The following TRAPPC2L variants were observed in gnomAD, a reference collection of about 807,000 sequenced individuals.
The protein encoded by TRAPPC2L is trafficking protein particle complex subunit 2-like protein.
TRAPPC2L carries 17 observed loss-of-function variants against 13.2 expected under a neutral mutation model. The ratio of observed to expected loss-of-function variants is 1.29; its 90% CI spans 0.88 to 1.93. The LOEUF (loss-of-function observed/expected upper bound fraction) is 1.93. TRAPPC2L is among the 30% of genes most tolerant of loss of function. The pLI, the probability that TRAPPC2L is intolerant of heterozygous loss-of-function variation, is 0.00. For missense variants in TRAPPC2L, 359 were observed against 252.1 expected, an observed-to-expected ratio of 1.42 and a Z score of -2.87; for synonymous variants, 150 against 98.1, an observed-to-expected ratio of 1.53 and a Z score of -3.12.
chr16:88,857,163 A>T, exon 1 of TRAPPC2L: 1 of 1,582,752 alleles, frequency 6.3e-7, no homozygotes, highest in South Asian at 1.1e-5. Flanking sequence ...GGCGGTGTGC[A>T]TCGCGGTGAT....
upstream of TRAPPC2L, chr16:88,856,963 G>C (rs987323491): frequency 2.1e-6 from 3 of 1,411,276 alleles, no homozygotes; most frequent in South Asian, 3.0e-5. Context: ...GCGGGGCGGG[G>C]CCTGGACGGC....
At chr16:88,861,325 G>C in exon 4 of TRAPPC2L, 1 of 371,004 alleles carries the variant, frequency 2.7e-6, no homozygotes, top group Non-Finnish European at 5.2e-6. Flanking sequence ...GGCTGAACAG[G>C]TGGGCTGGTC....
At chr16:88,860,215 A>G in exon 4 of TRAPPC2L, 3 of 705,208 alleles carry the variant, frequency 4.3e-6, no homozygotes, top group Non-Finnish European at 5.2e-6. Flanking sequence ...GAGCTTGCCC[A>G]TTTGGCTTCC....
chr16:88,856,898 AG>A, upstream of TRAPPC2L: 1 of 1,499,364 alleles, frequency 6.7e-7, no homozygotes, highest in Non-Finnish European at 8.8e-7. Context: ...GGAGCCGCGG[AG>A]CCCCGGCCAG....
chr16:88,858,672 C>T (rs1480824194), exon 2 of TRAPPC2L: 1 of 1,613,570 alleles, frequency 6.2e-7, no homozygotes, highest in South Asian at 1.1e-5. Context: ...TGAAGTTCCA[C>T]TACATGGTGC....
At chr16:88,859,839 C>G (rs574984533) in intron 3 of TRAPPC2L, 54 bp from the exon 4 acceptor site, 61 of 1,580,702 alleles carry the variant, frequency 3.9e-5, no homozygotes, top group Non-Finnish European at 4.5e-5. Context: ...AACTAAAAAT[C>G]TGGCAGTGGC....
At chr16:88,856,725 C>T (rs907629216), upstream of TRAPPC2L, 6 of 1,224,256 alleles carry the variant, frequency 4.9e-6, no homozygotes, top group Non-Finnish European at 6.7e-6. Flanking sequence ...CCGCCCCACC[C>T]CGGCCCTGCC....
chr16:88,861,000 G>A (rs182443459), exon 4 of TRAPPC2L: 4 of 1,555,014 alleles, frequency 2.6e-6, no homozygotes, highest in Admixed American at 1.9e-5. Context: ...GCCCGCGCAC[G>A]ACTGTGGTGG....
intron 1 of TRAPPC2L, 53 bp from the exon 2 acceptor site, chr16:88,858,566 G>T: frequency 6.3e-7 from 1 of 1,586,216 alleles, no homozygotes. Context: ...TTCAGAGCTG[G>T]TGTGCGCTGG....
At chr16:88,861,098 G>C (rs971696049) in exon 4 of TRAPPC2L, 1 of 782,370 alleles carries the variant, frequency 1.3e-6, no homozygotes, top group Admixed American at 2.3e-5. Context: ...CTCAACTAAA[G>C]GTCTTGTGAG....
chr16:88,856,543 C>T, upstream of TRAPPC2L: 1 of 696,872 alleles, frequency 1.4e-6, no homozygotes, highest in Admixed American at 2.0e-5. Flanking sequence ...GACCCCGCGG[C>T]CACTCCCCGA....
upstream of TRAPPC2L, chr16:88,856,570 C>CCCCCCGGGGG (rs2143013186): frequency 1.6e-6 from 1 of 610,102 alleles, no homozygotes; most frequent in Non-Finnish European, 3.0e-6. Flanking sequence ...TCCCCCTCCC[C>CCCCCCGGGGG]GCACGGGGAT....
At chr16:88,857,696 C>T (rs1354766205) in intron 1 of TRAPPC2L, among the ~76,000 whole-genome samples, 1 of 152,224 alleles carries the variant, frequency 6.6e-6, no homozygotes, top group Non-Finnish European at 1.5e-5. Context: ...TGGCACTCTC[C>T]GCTCCAACCA....
chr16:88,857,700 C>T (rs1291507876), intron 1 of TRAPPC2L, among the ~76,000 whole-genome samples: 1 of 152,246 alleles, frequency 6.6e-6, no homozygotes, highest in South Asian at 2.1e-4. Context: ...ACTCTCCGCT[C>T]CAACCAAACA....
chr16:88,856,639 G>T, upstream of TRAPPC2L: 1 of 370,244 alleles, frequency 2.7e-6, no homozygotes, highest in Non-Finnish European at 5.2e-6. Flanking sequence ...TCCCCAAGGG[G>T]CCTCCCCTCA....
chr16:88,861,834 G>T (rs955968499), exon 4 of TRAPPC2L: 15 of 356,542 alleles, frequency 4.2e-5, no homozygotes, highest in Admixed American at 2.4e-4. Context: ...AGGCTGTAAG[G>T]GGGGGTCAGC....
exon 4 of TRAPPC2L, chr16:88,860,666 A>T: frequency 1.7e-6 from 1 of 600,954 alleles, no homozygotes; most frequent in Non-Finnish European, 3.0e-6. Context: ...CTGCCTGCCC[A>T]TGCTGCTCCC....
chr16:88,856,869 C>T (rs1055971461), upstream of TRAPPC2L: 3 of 1,509,340 alleles, frequency 2.0e-6, no homozygotes, highest in African/African-American at 1.4e-5. Flanking sequence ...CCGCGACAAC[C>T]GCCGCCATGG....
chr16:88,860,841 C>G lies in TRAPPC2L; in HGVS notation c.*517C>G, dbSNP rs149363563. On this transcript the variant is annotated 3_prime_UTR_variant, in exon 4 of 4. Coordinates refer to ENST00000565504, the Ensembl canonical transcript of TRAPPC2L. ...CGAGCATCCTGTGGATGGAGCCATG[C>G]TGCCCGGCCCGTCTCTGAGCAGAGG... The G allele has an allele frequency of 2.6e-3, 3,951 of 1,503,716 alleles. 17 individuals carry two copies. Among genetic ancestry groups the G allele is most frequent in the Admixed American group, 5.1e-3 (258 of 51,040 alleles). 93.1% of individuals were successfully genotyped at this position (1,503,716 alleles called of 1,614,324 possible). A position where few individuals can be genotyped will look rare whatever the true frequency, so the allele number is the denominator to read the frequency against.
Sources: allele counts gnomAD v4.1 joint callset (sites outside exome capture counted in the v4.1 genomes callset), GRCh38; gene constraint gnomAD v4.1.1; transcripts MANE v1.5; gene names NCBI Gene and HGNC (gene_info 2026-07-23, HGNC 2026-07-21).